The following GTPBP1 variants were observed in gnomAD, a reference collection of about 807,000 sequenced individuals.
GTPBP1 encodes the protein GTP-binding protein 1.
A neutral mutation model predicts 62.0 loss-of-function variants in GTPBP1; 23 were observed. That is an observed-to-expected ratio of 0.37 (90% CI 0.27 to 0.53). The LOEUF is 0.53. GTPBP1 is among the 20% of genes least tolerant of loss of function. GTPBP1 has a pLI of 0.89. For missense variants in GTPBP1, 640 were observed against 917.3 expected, an observed-to-expected ratio of 0.70 and a Z score of 3.90; for synonymous variants, 344 against 364.4, an observed-to-expected ratio of 0.94 and a Z score of 0.64.
intron 5 of GTPBP1, chr22:38,722,788 G>C: frequency 1.2e-6 from 2 of 1,602,320 alleles, no homozygotes; most frequent in Non-Finnish European, 1.7e-6. Flanking sequence ...GCTGGATTTG[G>C]CTTGATTGTA....
At chr22:38,717,744 C>T (rs573046847) in intron 4 of GTPBP1, among the ~76,000 whole-genome samples, 3 of 152,340 alleles carry the variant, frequency 2.0e-5, no homozygotes, top group South Asian at 2.1e-4. Flanking sequence ...TTGTGACCCA[C>T]TGATCTTCCT....
downstream of GTPBP1, chr22:38,735,149 C>G (rs1403229849): frequency 2.1e-5 from 9 of 423,508 alleles, no homozygotes; most frequent in South Asian, 1.5e-4. Flanking sequence ...CTCTAAAAGT[C>G]CCCTCCTCCC....
rs2092772229 is a variant in GTPBP1 at position 38,733,192 on chromosome 22, C to T, written c.*2488C>T. ...CTGGCCCTGCTTACAGGGGCCACTACCTGCTGGTGCCTCCATAACAAGCGT... is the reference window on the plus strand; with the variant it reads ...CTGGCCCTGCTTACAGGGGCCACTATCTGCTGGTGCCTCCATAACAAGCGT... On this transcript the variant is annotated 3_prime_UTR_variant, in exon 12 of 12. Transcript: ENST00000216044. 1 of 152,304 alleles carries T rather than the reference C, an allele frequency of 6.6e-6. No homozygotes were observed. Among genetic ancestry groups the T allele is most frequent in the Non-Finnish European group, 1.5e-5 (1 of 68,092 alleles). 9.4% of individuals were successfully genotyped at this position (152,304 alleles called of 1,614,324 possible). A position where few individuals can be genotyped will look rare whatever the true frequency, so the allele number is the denominator to read the frequency against.
At chr22:38,710,391 T>C (rs1029366163) in intron 2 of GTPBP1, among the ~76,000 whole-genome samples, 1 of 152,176 alleles carries the variant, frequency 6.6e-6, no homozygotes, top group Non-Finnish European at 1.5e-5. Flanking sequence ...AAGAGTGACA[T>C]AAAGAAGAAG....
chr22:38,709,025 G>A, intron 2 of GTPBP1, 69 bp downstream of exon 2: 1 of 923,526 alleles, frequency 1.1e-6, no homozygotes, highest in Non-Finnish European at 1.8e-6. Flanking sequence ...CCTGCCGCCT[G>A]TAATCCCAGC....
At chr22:38,738,918 G>T (rs537241816), downstream of GTPBP1, 29 of 1,612,342 alleles carry the variant, frequency 1.8e-5, no homozygotes, top group Non-Finnish European at 2.5e-5. This position sits in a 1 kb window ranked among gnomAD's most constrained non-coding sequence, Gnocchi z 6.6. Flanking sequence ...ACAGGGGGAT[G>T]CCGAAGAGGC....
rs2092756382 is a variant in GTPBP1, at chr22:38,731,015, TG to T, written c.*312del. On this transcript the variant is annotated 3_prime_UTR_variant, in exon 12 of 12. Transcript: ENST00000216044. Reference sequence around the variant, plus strand: ...TATGTCTCTGTCTCTCTCTATTGTGTGTGTGTGTGTGTGTGTGTGTGTGTGT... The same window carrying T: ...TATGTCTCTGTCTCTCTCTATTGTGTTGTGTGTGTGTGTGTGTGTGTGTGT... 5.1e-6 allele frequency: 1 copy of T among 197,524 alleles called. No homozygotes were observed. The highest frequency in any genetic ancestry group is 3.7e-5 in the African/African-American group (1 of 26,876). 12.2% of individuals were successfully genotyped at this position (197,524 alleles called of 1,614,324 possible). A position where few individuals can be genotyped will look rare whatever the true frequency, so the allele number is the denominator to read the frequency against.
downstream of GTPBP1, chr22:38,733,596 C>A (rs887749677): frequency 6.6e-6 from 1 of 152,330 alleles, no homozygotes; most frequent in Non-Finnish European, 1.5e-5. Flanking sequence ...AATGGCAAGG[C>A]CTGACCCTTC....
intron 4 of GTPBP1, among the ~76,000 whole-genome samples, chr22:38,720,718 C>G (rs906867779): frequency 2.0e-5 from 3 of 152,116 alleles, no homozygotes; most frequent in Non-Finnish European, 4.4e-5. Context: ...TTTATTGTTA[C>G]TGGAAGGATA....
At position 38,726,864 on chromosome 22, in the gene GTPBP1, C is replaced by A. The variant is rs1451319333; in HGVS notation, c.1402-349C>A. 6.6e-6 allele frequency among the ~76,000 whole-genome samples: 1 copy of A among 152,140 alleles called. No homozygotes were observed. The highest frequency in any genetic ancestry group is 1.5e-5 in the Non-Finnish European group (1 of 68,024). On this transcript the variant is annotated intron_variant, in intron 8 of 11. Transcript: ENST00000216044. This position sits in a 1 kb window ranked among gnomAD's most constrained non-coding sequence, Gnocchi z 4.1. ...ACCTTTACCCACCAACTAAATTAACCAGGAATAGTAGGACTTTCTTCCCCA... is the reference window on the plus strand; with the variant it reads ...ACCTTTACCCACCAACTAAATTAACAAGGAATAGTAGGACTTTCTTCCCCA...
intron 4 of GTPBP1, among the ~76,000 whole-genome samples, chr22:38,718,372 T>C (rs980885303): frequency 4.6e-5 from 7 of 152,228 alleles, no homozygotes; most frequent in African/African-American, 7.2e-5. Context: ...ATATATATTA[T>C]CTGACTTTTT....
chr22:38,733,775 G>C (rs533528024), downstream of GTPBP1, among the ~76,000 whole-genome samples: 1 of 152,356 alleles, frequency 6.6e-6, no homozygotes, highest in African/African-American at 2.4e-5. Context: ...GGGCAGCACA[G>C]GTTTAGTTGG....
downstream of GTPBP1, chr22:38,740,350 G>A: frequency 1.9e-6 from 3 of 1,585,834 alleles, no homozygotes. This position sits in a 1 kb window ranked among gnomAD's most constrained non-coding sequence, Gnocchi z 4.8. Context: ...AGAGCCGCCA[G>A]CTCCTGCTGC....
chr22:38,742,515 C>G (rs760591672), downstream of GTPBP1: 1 of 1,613,090 alleles, frequency 6.2e-7, no homozygotes, highest in Admixed American at 1.7e-5. Context: ...TTCCAGACGC[C>G]GCTCCAGAGA....
rs1210013415 is a variant in GTPBP1 at position 38,708,896 on chromosome 22, A to T, written c.244A>T (p.Met82Leu). ...GCAGTATGACAGCCTACTTCGGCAG[A>T]TGTGGGAGAGGATGGACGAGGGATG... ...SEQYDSLLRQMWERMDEGCGE... is the reference protein window; with the variant it reads ...SEQYDSLLRQLWERMDEGCGE... Residue 82 changes from methionine (M) to leucine (L), a missense_variant, in exon 2 of 12, where the codon ATG becomes TTG. This residue lies in a region of GTPBP1 where 215 missense variants were observed against 235.1 expected (regional missense o/e 0.91). Coordinates refer to ENST00000216044, the MANE Select transcript of GTPBP1 (RefSeq NM_004286.5). The T allele has an allele frequency of 1.2e-6, 2 of 1,612,554 alleles. No homozygotes were observed. The highest frequency in any genetic ancestry group is 1.7e-6 in the Non-Finnish European group (2 of 1,178,648).
At chr22:38,718,728 C>A (rs973567149) in intron 4 of GTPBP1, among the ~76,000 whole-genome samples, 5 of 152,186 alleles carry the variant, frequency 3.3e-5, no homozygotes, top group African/African-American at 9.7e-5. Context: ...GCTTTTCTTT[C>A]AAATTTTCTT....
downstream of GTPBP1, chr22:38,734,009 G>T: frequency 4.2e-6 from 1 of 236,296 alleles, no homozygotes; most frequent in Non-Finnish European, 8.6e-6. Context: ...AGGGGAGTGA[G>T]CACAGGACCA....
At position 38,716,615 on chromosome 22, in the gene GTPBP1, A is replaced by T. The variant is rs369844031; in HGVS notation, c.486-37A>T. 1.4e-6 allele frequency: 2 copies of T among 1,459,394 alleles called. No homozygotes were observed. The highest frequency in any genetic ancestry group is 2.8e-5 in the African/African-American group (2 of 71,500). The allele number at this position is 1,459,394 out of a possible 1,614,324, so 90.4% of individuals were successfully genotyped here. ...GGTCGCTCCACCTCACTCATTCACT[A>T]ACTCTCACATAGATGTATGGGTTCA... On this transcript the variant is annotated intron_variant, in intron 3 of 11. Coordinates refer to ENST00000216044, the MANE Select transcript of GTPBP1 (RefSeq NM_004286.5). The surrounding 1 kb of genome is among the most constrained non-coding windows in gnomAD (Gnocchi z 5.2).
rs144784658 is a variant in GTPBP1 at position 38,729,478 on chromosome 22, A to G, written c.1733A>G (p.Asn578Ser). ...GTITKLLQTT[N>S]NSPMNSKPQQ... Reference sequence around the variant, plus strand: ...CTCCCACAGCTCCTCCAGACCACCAACAACTCCCCAATGAACTCCAAGCCG... The same window carrying G: ...CTCCCACAGCTCCTCCAGACCACCAGCAACTCCCCAATGAACTCCAAGCCG... The change falls in exon 11 of 12, where the codon AAC becomes AGC. Residue 578 changes from asparagine to serine, a missense_variant. This residue lies in a region of GTPBP1 where 220 missense variants were observed against 358.1 expected (regional missense o/e 0.61). Coordinates refer to ENST00000216044, the MANE Select transcript of GTPBP1 (RefSeq NM_004286.5). The G allele has an allele frequency of 6.8e-5, 110 of 1,606,244 alleles. No homozygotes were observed. Among genetic ancestry groups the G allele is most frequent in the Non-Finnish European group, 8.9e-5 (105 of 1,176,674 alleles).
Sources: allele counts gnomAD v4.1 joint callset (sites outside exome capture counted in the v4.1 genomes callset), GRCh38; gene constraint gnomAD v4.1.1; regional missense constraint gnomAD v4.1.1; non-coding constraint Gnocchi (gnomAD v3.1); transcripts MANE v1.5; gene names NCBI Gene and HGNC (gene_info 2026-07-23, HGNC 2026-07-21).